VWA8: variants seen among roughly 807,000 people sequenced by gnomAD.
VWA8 encodes the protein von Willebrand factor A domain containing 8.
Under a neutral mutation model 241.5 loss-of-function variants are expected in VWA8, and 221 were observed. That is an observed-to-expected ratio of 0.91 (90% CI 0.82 to 1.02). The LOEUF (loss-of-function observed/expected upper bound fraction) is 1.02, where lower values mean the gene tolerates loss of function less well. VWA8 is among the 50% of genes least tolerant of loss of function. The pLI is 0.00. For synonymous variants in VWA8, 852 were observed against 827.1 expected (o/e 1.03, Z -0.52); for missense variants, 2,322 against 2,328.7 (o/e 1.00, Z 0.06).
chr13:41,729,966 A>G (rs960550144), intron 22 of VWA8, among the ~76,000 whole-genome samples: 3 of 152,070 alleles, frequency 2.0e-5, no homozygotes, highest in African/African-American at 7.2e-5. Context: ...CATGGTAGTG[A>G]TACCCAACAA....
At chr13:41,866,539 T>C (rs1408661166) in intron 10 of VWA8, among the ~76,000 whole-genome samples, 1 of 152,062 alleles carries the variant, frequency 6.6e-6, no homozygotes, top group Non-Finnish European at 1.5e-5. Flanking sequence ...GATATTTCAA[T>C]AGAGCAGCAA....
intron 17 of VWA8, among the ~76,000 whole-genome samples, chr13:41,795,105 G>GA (rs1335776175): frequency 1.3e-5 from 2 of 151,768 alleles, no homozygotes; most frequent in South Asian, 2.1e-4. Flanking sequence ...AAACTTACAA[G>GA]AAAAAAACCC....
chr13:41,886,959 T>TA, intron 6 of VWA8, 129 bp from the exon 7 acceptor site: 1 of 862,190 alleles, frequency 1.2e-6, no homozygotes, highest in South Asian at 2.0e-5. Flanking sequence ...AAAAATCATT[T>TA]ATTGATACAT....
intron 20 of VWA8, among the ~76,000 whole-genome samples, chr13:41,766,764 ACT>A (rs1016556296): frequency 3.3e-5 from 5 of 152,002 alleles, no homozygotes; most frequent in African/African-American, 4.8e-5. Flanking sequence ...TTCCTAAACC[ACT>A]CTCTCTCACC....
intron 19 of VWA8, among the ~76,000 whole-genome samples, chr13:41,779,113 T>C (rs1868772335): frequency 6.7e-6 from 1 of 150,340 alleles, no homozygotes; most frequent in African/African-American, 2.4e-5. Flanking sequence ...AGTGCTGGGA[T>C]TACAGGCGTG....
At chr13:41,928,917 A>G (rs1205055666) in intron 2 of VWA8, among the ~76,000 whole-genome samples, 1 of 152,100 alleles carries the variant, frequency 6.6e-6, no homozygotes, top group Non-Finnish European at 1.5e-5. Flanking sequence ...AAAAAGGAAC[A>G]TAAGGGACAC....
intron 12 of VWA8, among the ~76,000 whole-genome samples, chr13:41,839,301 A>C (rs576711441): frequency 6.6e-6 from 1 of 152,286 alleles, no homozygotes; most frequent in Admixed American, 6.5e-5. Flanking sequence ...TCTTCTTTTG[A>C]AAAGTGACTG....
At chr13:41,625,727 A>C (rs2139670418) in intron 37 of VWA8, among the ~76,000 whole-genome samples, 1 of 152,260 alleles carries the variant, frequency 6.6e-6, no homozygotes, top group South Asian at 2.1e-4. Flanking sequence ...CCATCCCATT[A>C]CTGGGTATAT....
chr13:41,905,908 G>T (rs147171270), intron 4 of VWA8, among the ~76,000 whole-genome samples: 3 of 152,028 alleles, frequency 2.0e-5, no homozygotes, highest in Non-Finnish European at 4.4e-5. Context: ...CATTGTAAAG[G>T]TACATTATTT....
rs866981537 is a variant in VWA8 at position 41,657,644 on chromosome 13, C to T, written c.4611+13302G>A. ...AGCTGGGACTACAGGCGCCCGCCAC[C>T]GCGCCCGGCTAATTTTTTGTATTTT... On this transcript the variant is annotated intron_variant, in intron 37 of 44. Coordinates refer to ENST00000379310, the MANE Select transcript of VWA8 (RefSeq NM_015058.2). Among the ~76,000 whole-genome samples the T allele has an allele frequency of 6.2e-4, 94 of 152,104 alleles. No individual in the cohort carries two copies. The East Asian group carries it at 7.9e-3, about 13-fold the overall frequency.
chr13:41,568,144 T>C lies in VWA8; in HGVS notation c.*53A>G. The C allele has an allele frequency of 6.8e-7, 1 of 1,461,040 alleles. No homozygotes were observed. Among genetic ancestry groups the C allele is most frequent in the African/African-American group, 1.4e-5 (1 of 71,588 alleles). The allele number at this position is 1,461,040 out of a possible 1,614,324, so 90.5% of individuals were successfully genotyped here. On this transcript the variant is annotated 3_prime_UTR_variant, in exon 45 of 45. Coordinates refer to ENST00000379310, the MANE Select transcript of VWA8 (RefSeq NM_015058.2). The stretch of plus-strand genomic sequence containing the variant: ...ATCTTCTTTTTTTCAGAATACTCTT[T>C]ATTCCTGTCTTATTTCAAATCCTGG...
chr13:41,787,163 T>A (rs1187620309), intron 18 of VWA8, among the ~76,000 whole-genome samples: 2 of 146,498 alleles, frequency 1.4e-5, no homozygotes, highest in African/African-American at 5.1e-5. Flanking sequence ...ACAGCAGGAA[T>A]TCTCAGAGTA....
At chr13:41,695,854 G>A (rs943481521) in intron 29 of VWA8, among the ~76,000 whole-genome samples, 2 of 152,092 alleles carry the variant, frequency 1.3e-5, no homozygotes, top group African/African-American at 4.8e-5. Context: ...GTATTAATCA[G>A]CAATGTTACC....
At position 41,721,369 on chromosome 13, in the gene VWA8, C is replaced by A. The variant is rs750246114; in HGVS notation, c.2964+1G>T. 6 of 1,613,482 alleles carry A rather than the reference C, an allele frequency of 3.7e-6. No individual in the cohort carries two copies. Among genetic ancestry groups the A allele is most frequent in the Non-Finnish European group, 5.1e-6 (6 of 1,179,664 alleles). On this transcript the variant is annotated splice_donor_variant, in intron 25 of 44. Coordinates refer to ENST00000379310, the MANE Select transcript of VWA8 (RefSeq NM_015058.2). LOFTEE classifies it high-confidence loss of function. Reference sequence around the variant, plus strand: ...TAGGTACAGGTGTGTGCCATACCTACCTGTAAATGTTTGACTATGTTGACA... The same window carrying A: ...TAGGTACAGGTGTGTGCCATACCTAACTGTAAATGTTTGACTATGTTGACA...
chr13:41,636,880 A>C (rs1373689837), intron 37 of VWA8, among the ~76,000 whole-genome samples: 2 of 152,028 alleles, frequency 1.3e-5, no homozygotes, highest in East Asian at 3.9e-4. Context: ...ATCTCACACC[A>C]GTTAGAATGG....
chr13:41,886,408 C>CA (rs1874539926), intron 7 of VWA8, among the ~76,000 whole-genome samples: 1 of 151,474 alleles, frequency 6.6e-6, no homozygotes, highest in African/African-American at 2.4e-5. Flanking sequence ...AAAAAAAAAA[C>CA]ACTTGTTGTG....
chr13:41,573,951 A>G (rs2044332955), intron 43 of VWA8, among the ~76,000 whole-genome samples: 1 of 152,192 alleles, frequency 6.6e-6, no homozygotes, highest in Non-Finnish European at 1.5e-5. Context: ...TACATTTAAA[A>G]TAACTAAAAG....
chr13:41,628,869 C>T (rs2044709425), intron 37 of VWA8, among the ~76,000 whole-genome samples: 1 of 152,078 alleles, frequency 6.6e-6, no homozygotes, highest in Non-Finnish European at 1.5e-5. Context: ...GGTGAAATCC[C>T]ATTTCTACTA....
intron 26 of VWA8, among the ~76,000 whole-genome samples, chr13:41,708,945 A>T (rs1160104824): frequency 2.0e-5 from 3 of 151,864 alleles, no homozygotes; most frequent in Non-Finnish European, 2.9e-5. Flanking sequence ...CTTTCTTCAC[A>T]TTTCACTGAA....
Sources: gnomAD v4.1 joint callset for allele counts (sites outside exome capture counted in the v4.1 genomes callset) on GRCh38, gnomAD v4.1.1 for gene constraint, MANE v1.5 for transcripts, NCBI Gene and HGNC (gene_info 2026-07-23, HGNC 2026-07-21) for gene names.